The following MYO16 variants were observed in gnomAD, a reference collection of about 807,000 sequenced individuals.
The protein encoded by MYO16 is unconventional myosin-XVI.
MYO16 carries 94 observed loss-of-function variants against 205.3 expected under a neutral mutation model. That is an observed-to-expected ratio of 0.46 (90% confidence interval 0.39 to 0.54). The LOEUF is 0.54. Among genes scored for constraint, MYO16 ranks in the 20% least tolerant of loss-of-function variants. The pLI is 0.00. For missense variants in MYO16, 2,315 were observed against 2,387.5 expected, an observed-to-expected ratio of 0.97 and a Z score of 0.63; for synonymous variants, 988 against 954.0, an observed-to-expected ratio of 1.04 and a Z score of -0.66.
the MYO16 span, among the ~76,000 whole-genome samples, chr13:108,522,605 A>T: frequency 9.2e-5 from 14 of 152,194 alleles, 1 homozygote; most frequent in South Asian, 2.7e-3. Context: ...GTCCAAGATC[A>T]AGATGTGAGC....
At chr13:109,199,176 T>TG (rs1209378866) in intron 34 of MYO16, among the ~76,000 whole-genome samples, 2 of 130,492 alleles carry the variant, frequency 1.5e-5, no homozygotes, top group East Asian at 5.1e-4. Context: ...CTCAAGTAAA[T>TG]GGTTTAATAA....
At chr13:109,173,166 C>T (rs946446689) in intron 33 of MYO16, among the ~76,000 whole-genome samples, 1 of 152,166 alleles carries the variant, frequency 6.6e-6, no homozygotes, top group Non-Finnish European at 1.5e-5. Context: ...AAAACACTTA[C>T]CAAGTGCACC....
chr13:108,773,820 T>C (rs555165997), intron 4 of MYO16, among the ~76,000 whole-genome samples: 3 of 121,354 alleles, frequency 2.5e-5, no homozygotes, highest in African/African-American at 5.1e-5. Flanking sequence ...TGTGTTAGCA[T>C]GTAAAAAAAA....
intron 2 of MYO16, among the ~76,000 whole-genome samples, chr13:108,677,153 A>T (rs73606716): frequency 0.012 from 1,895 of 152,016 alleles, 40 homozygotes; most frequent in African/African-American, 0.042. Context: ...GGAGGAGGGG[A>T]TTCAGGGAAG....
intron 21 of MYO16, among the ~76,000 whole-genome samples, chr13:108,996,671 A>G (rs1885012576): frequency 6.6e-6 from 1 of 152,198 alleles, no homozygotes; most frequent in Non-Finnish European, 1.5e-5. Context: ...CTTACTGATG[A>G]TTGTTGAAGT....
intron 27 of MYO16, among the ~76,000 whole-genome samples, chr13:109,071,286 A>C (rs1887918816): frequency 6.6e-6 from 1 of 152,192 alleles, no homozygotes; most frequent in Admixed American, 6.5e-5. Context: ...CTGTCTCTAC[A>C]GTTGTCAAAA....
the MYO16 span, among the ~76,000 whole-genome samples, chr13:108,576,656 T>C: frequency 3.7e-4 from 56 of 152,360 alleles, no homozygotes; most frequent in Admixed American, 1.0e-3. Flanking sequence ...ATAAAAGTTA[T>C]TGTCCTTTTG....
intron 12 of MYO16, among the ~76,000 whole-genome samples, chr13:108,869,910 T>A (rs1179022163): frequency 6.6e-6 from 1 of 151,470 alleles, no homozygotes; most frequent in Non-Finnish European, 1.5e-5. Flanking sequence ...TAAAATCCTA[T>A]TATTAATCTG....
chr13:109,034,838 A>C (rs957099688), intron 23 of MYO16, among the ~76,000 whole-genome samples: 1 of 152,150 alleles, frequency 6.6e-6, no homozygotes, highest in African/African-American at 2.4e-5. Context: ...CCCCTAAAAT[A>C]ATAGTTTTGT....
chr13:108,752,717 C>G (rs1004229447), intron 4 of MYO16, among the ~76,000 whole-genome samples: 1 of 149,604 alleles, frequency 6.7e-6, no homozygotes, highest in Admixed American at 6.7e-5. Context: ...TCTCAGCTCA[C>G]TGCAACCTCT....
chr13:108,632,743 A>G (rs372138472), intron 1 of MYO16, among the ~76,000 whole-genome samples: 9 of 152,292 alleles, frequency 5.9e-5, no homozygotes, highest in East Asian at 1.9e-4. Context: ...GTAGCTGAGA[A>G]GTAGCTTTAG....
intron 20 of MYO16, among the ~76,000 whole-genome samples, chr13:108,982,454 A>G (rs185452367): frequency 5.4e-4 from 83 of 152,316 alleles, no homozygotes; most frequent in Admixed American, 1.2e-3. Flanking sequence ...TAAGGGAGAA[A>G]AGGAACTGTA....
chr13:108,994,679 G>A (rs1255599480), intron 21 of MYO16, among the ~76,000 whole-genome samples: 1 of 152,010 alleles, frequency 6.6e-6, no homozygotes, highest in African/African-American at 2.4e-5. Flanking sequence ...ATTCTGTTTT[G>A]CGCTTATTGA....
chr13:108,967,059 T>C (rs1484574478), intron 20 of MYO16, among the ~76,000 whole-genome samples: 1 of 152,098 alleles, frequency 6.6e-6, no homozygotes, highest in African/African-American at 2.4e-5. Context: ...TATATATATA[T>C]ACACACAGTA....
intron 16 of MYO16, among the ~76,000 whole-genome samples, chr13:108,941,178 C>T (rs1204877086): frequency 1.3e-5 from 2 of 152,054 alleles, no homozygotes; most frequent in Non-Finnish European, 2.9e-5. Context: ...CTGCTCTGGG[C>T]AAGGCCTTCT....
At chr13:108,551,154 T>A in the MYO16 span, among the ~76,000 whole-genome samples, 1 of 152,320 alleles carries the variant, frequency 6.6e-6, no homozygotes, top group Non-Finnish European at 1.5e-5. Context: ...CTCCATTTGT[T>A]TTCATACTAT....
intron 16 of MYO16, among the ~76,000 whole-genome samples, chr13:108,941,678 A>AAAT (rs1225046406): frequency 7.1e-6 from 1 of 141,524 alleles, no homozygotes; most frequent in East Asian, 2.0e-4. Context: ...CTCAGTCTCA[A>AAAT]AAAAAAAAAA....
chr13:108,597,459 T>G (rs773598769), intron 1 of MYO16, among the ~76,000 whole-genome samples: 16 of 152,160 alleles, frequency 1.1e-4, no homozygotes, highest in Non-Finnish European at 1.9e-4. Flanking sequence ...CTATTATGGA[T>G]AGGGATTCAG....
At chr13:108,602,112 A>C (rs1234484396) in intron 1 of MYO16, among the ~76,000 whole-genome samples, 5 of 151,536 alleles carry the variant, frequency 3.3e-5, no homozygotes, top group African/African-American at 1.2e-4. Flanking sequence ...AAAAAAAAAA[A>C]AAAAAAAAAA....
Sources: allele counts gnomAD v4.1 joint callset (sites outside exome capture counted in the v4.1 genomes callset), GRCh38; gene constraint gnomAD v4.1.1; transcripts MANE v1.5; gene names NCBI Gene and HGNC (gene_info 2026-07-23, HGNC 2026-07-21).